CARS1: variants seen among roughly 807,000 people sequenced by gnomAD.
The protein encoded by CARS1 is cysteine--tRNA ligase, cytoplasmic.
CARS1 carries 48 observed loss-of-function variants against 106.2 expected under a neutral mutation model. The ratio of observed to expected loss-of-function variants is 0.45; its 90% CI spans 0.36 to 0.57. The LOEUF is 0.57. Among genes scored for constraint, CARS1 ranks in the 20% least tolerant of loss-of-function variants. The pLI, the probability that CARS1 is intolerant of heterozygous loss-of-function variation, is 0.00. For synonymous variants in CARS1, 409 were observed against 403.4 expected (o/e 1.01, Z -0.17); for missense variants, 968 against 1,057.2 (o/e 0.92, Z 1.17).
chr11:3,013,215 C>T (rs112278329), intron 17 of CARS1, among the ~76,000 whole-genome samples: 14,842 of 137,730 alleles, frequency 0.11, 823 homozygotes, highest in Middle Eastern at 0.16. Flanking sequence ...CATGCAATGG[C>T]GATCTCGGCT....
In CARS1 at chr11:3,020,239, C is replaced by T; in HGVS notation, c.1247G>A (p.Trp416Ter). ...WKASKPGEPSWPCPWGKGRPG... is the reference protein window; with the variant it reads ...WKASKPGEPS The stretch of plus-strand genomic sequence containing the variant: ...GCTCACCTTTCCCCAAGGGCACGGC[C>T]AGGACGGTTCTCCGGGCTTAGAGGC... Residue 416 changes from tryptophan to a stop codon, truncating the protein, a stop_gained, in exon 11 of 23, where the codon TGG becomes TAG. Coordinates refer to ENST00000380525, the MANE Select transcript of CARS1 (RefSeq NM_001014437.3). LOFTEE classifies it high-confidence loss of function. This position sits in a 1 kb window ranked among gnomAD's most constrained non-coding sequence, Gnocchi z 4.6. The T allele has an allele frequency of 1.9e-6, 3 of 1,610,710 alleles. No individual in the cohort carries two copies. The highest frequency in any genetic ancestry group is 2.5e-6 in the Non-Finnish European group (3 of 1,176,838).
intron 10 of CARS1, among the ~76,000 whole-genome samples, chr11:3,025,629 T>G (rs897209639): frequency 6.6e-6 from 1 of 151,926 alleles, no homozygotes; most frequent in Non-Finnish European, 1.5e-5. Context: ...ACAGGCGGGG[T>G]GGGGGTGCAG....
chr11:3,054,748 T>C (rs1431024550), intron 1 of CARS1: 1 of 633,256 alleles, frequency 1.6e-6, no homozygotes, highest in East Asian at 2.7e-5. Context: ...CCCCCAAGGG[T>C]GGCAGGAGAT....
Position 3,004,646 on chromosome 11 carries a change from G to A in CARS1, c.2217+720C>T, listed in dbSNP as rs1003905031. 9.8e-5 allele frequency among the ~76,000 whole-genome samples: 15 copies of A among 152,326 alleles called. No homozygotes were observed. Among genetic ancestry groups the A allele is most frequent in the South Asian group, 4.1e-4 (2 of 4,832 alleles). On this transcript the variant is annotated intron_variant, in intron 20 of 22. Transcript: ENST00000380525. The surrounding 1 kb of genome is among the most constrained non-coding windows in gnomAD (Gnocchi z 5.2). ...CTGTGCCCAGAGATTCTGACATTGC[G>A]TTTTTGTTCCTGTTCTTCTGTCCTA...
Position 3,003,474 on chromosome 11 carries a change from G to C in CARS1, c.2218-874C>G, listed in dbSNP as rs1000086336. 6.6e-6 allele frequency among the ~76,000 whole-genome samples: 1 copy of C among 152,166 alleles called. No individual in the cohort carries two copies. Among genetic ancestry groups the C allele is most frequent in the African/African-American group, 2.4e-5 (1 of 41,430 alleles). On this transcript the variant is annotated intron_variant, in intron 20 of 22. Transcript: ENST00000380525. The surrounding 1 kb of genome is among the most constrained non-coding windows in gnomAD (Gnocchi z 4.8). ...AGTGGAGCTATCAGGTAGGCAGCTGGGCAAACTGTTTTTGGGCCACCGGCT... is the reference window on the plus strand; with the variant it reads ...AGTGGAGCTATCAGGTAGGCAGCTGCGCAAACTGTTTTTGGGCCACCGGCT...
chr11:3,046,336 C>A lies in CARS1; in HGVS notation c.274+1417G>T, dbSNP rs1026874735. ...GCTTCACCCTCCCTAATCCTGCCCC[C>A]CTCTGGCTGTGTCTTGGAATGGCAC... On this transcript the variant is annotated intron_variant, in intron 2 of 22. Transcript: ENST00000380525. This position sits in a 1 kb window ranked among gnomAD's most constrained non-coding sequence, Gnocchi z 5.8. Among the ~76,000 whole-genome samples the A allele has an allele frequency of 1.3e-5, 2 of 152,318 alleles. No homozygotes were observed. The highest frequency in any genetic ancestry group is 2.9e-5 in the Non-Finnish European group (2 of 68,038).
At chr11:3,001,527 C>A (rs1590298730) in intron 22 of CARS1, among the ~76,000 whole-genome samples, 1 of 152,218 alleles carries the variant, frequency 6.6e-6, no homozygotes, top group South Asian at 2.1e-4. Context: ...TGGCTGAGTT[C>A]TGACACAGCT....
intron 10 of CARS1, among the ~76,000 whole-genome samples, chr11:3,025,493 G>T (rs892550051): frequency 6.6e-6 from 1 of 152,230 alleles, no homozygotes; most frequent in African/African-American, 2.4e-5. Context: ...CTCCAAAAGT[G>T]CTGGGATTAT....
At chr11:3,032,947 C>T (rs902217141) in intron 7 of CARS1, among the ~76,000 whole-genome samples, 1 of 151,632 alleles carries the variant, frequency 6.6e-6, no homozygotes, top group Non-Finnish European at 1.5e-5. Flanking sequence ...AAGAAACGTA[C>T]CCCCTGGTGG....
At position 3,034,457 on chromosome 11, in the gene CARS1, G is replaced by A. The variant is rs996627483; in HGVS notation, c.801+3593C>T. Among the ~76,000 whole-genome samples the A allele has an allele frequency of 2.8e-4, 42 of 152,196 alleles. No homozygotes were observed. Among genetic ancestry groups the A allele is most frequent in the Admixed American group, 1.9e-3 (29 of 15,276 alleles). ...GCTGGTCTCAAACCCCTGACCTCAG[G>A]TGATCCGCCCGCCTCAGCCTCCCAA... On this transcript the variant is annotated intron_variant, in intron 7 of 22. Transcript: ENST00000380525. The surrounding 1 kb of genome is among the most constrained non-coding windows in gnomAD (Gnocchi z 6.3).
rs1006290923 is a variant in CARS1 at position 3,045,125 on chromosome 11, G to C, written c.274+2628C>G. Among the ~76,000 whole-genome samples the C allele has an allele frequency of 1.3e-5, 2 of 152,150 alleles. No homozygotes were observed. The highest frequency in any genetic ancestry group is 2.9e-5 in the Non-Finnish European group (2 of 68,032). ...AGGGCTGAGCCTCCACTGCGGGTGA[G>C]AAGTGCTCAACAAGTTCAACGTCCT... On this transcript the variant is annotated intron_variant, in intron 2 of 22. Coordinates refer to ENST00000380525, the MANE Select transcript of CARS1 (RefSeq NM_001014437.3). The surrounding 1 kb of genome is among the most constrained non-coding windows in gnomAD (Gnocchi z 5.6).
In CARS1 at chr11:3,011,612, T is replaced by TCAAA. The variant is rs1033010782; in HGVS notation, c.2068+579_2068+582dup. 8.2e-4 allele frequency among the ~76,000 whole-genome samples: 125 copies of TCAAA among 151,988 alleles called. 1 individual carries two copies. Among genetic ancestry groups the TCAAA allele is most frequent in the Admixed American group, 1.1e-3 (17 of 15,276 alleles). On this transcript the variant is annotated intron_variant, in intron 18 of 22. Coordinates refer to ENST00000380525, the MANE Select transcript of CARS1 (RefSeq NM_001014437.3). The stretch of plus-strand genomic sequence containing the variant: ...CTGGGAGACAGAGTGAGACTCCATC[T>TCAAA]CAAACAAACAAACAAACAAAAAGAT...
Position 3,029,190 on chromosome 11 carries a change from T to C in CARS1, c.943-106A>G. On this transcript the variant is annotated intron_variant, in intron 8 of 22. Coordinates refer to ENST00000380525, the MANE Select transcript of CARS1 (RefSeq NM_001014437.3). The surrounding 1 kb of genome is among the most constrained non-coding windows in gnomAD (Gnocchi z 5.9). ...CGAAAAGCCCATTATGCCCCTCAAC[T>C]CAAGTTCAATGTTGACTTGGCCGCT... is the stretch of plus-strand genomic sequence containing the variant. The C allele has an allele frequency of 2.8e-6, 4 of 1,445,448 alleles. No individual in the cohort carries two copies. In the South Asian group the frequency reaches 4.6e-5, roughly 17 times the overall value. 89.5% of individuals were successfully genotyped at this position (1,445,448 alleles called of 1,614,324 possible). A position where few individuals can be genotyped will look rare whatever the true frequency, so the allele number is the denominator to read the frequency against.
Position 3,044,299 on chromosome 11 carries a change from T to G in CARS1, c.275-2043A>C, listed in dbSNP as rs1443753004. ...AGCATTCCTGCTCCCCTAAGGCTGC[T>G]ATCTCCACACAGCTGGCGATGGGCT... is the stretch of plus-strand genomic sequence containing the variant. On this transcript the variant is annotated intron_variant, in intron 2 of 22. Transcript: ENST00000380525. This position sits in a 1 kb window ranked among gnomAD's most constrained non-coding sequence, Gnocchi z 4.4. 6.6e-6 allele frequency among the ~76,000 whole-genome samples: 1 copy of G among 152,192 alleles called. No homozygotes were observed. Among genetic ancestry groups the G allele is most frequent in the Non-Finnish European group, 1.5e-5 (1 of 68,022 alleles).
Position 3,017,055 on chromosome 11 carries a change from C to G in CARS1, c.1917+51G>C, listed in dbSNP as rs778690744. On this transcript the variant is annotated intron_variant, in intron 16 of 22. Transcript: ENST00000380525. This position sits in a 1 kb window ranked among gnomAD's most constrained non-coding sequence, Gnocchi z 4.9. Reference sequence around the variant, plus strand: ...CTGTTCTCCCAGTCCTGGGGCCTGGCTCCTGTGTCCACACAGGCTGAGGGA... The same window carrying G: ...CTGTTCTCCCAGTCCTGGGGCCTGGGTCCTGTGTCCACACAGGCTGAGGGA... 1 of 1,518,254 alleles carries G rather than the reference C, an allele frequency of 6.6e-7. No individual in the cohort carries two copies. Among genetic ancestry groups the G allele is most frequent in the Admixed American group, 1.8e-5 (1 of 54,994 alleles). 94.0% of individuals were successfully genotyped at this position (1,518,254 alleles called of 1,614,324 possible). A position where few individuals can be genotyped will look rare whatever the true frequency, so the allele number is the denominator to read the frequency against.
At chr11:3,056,332 T>A (rs569066864) in intron 1 of CARS1, among the ~76,000 whole-genome samples, 5 of 152,232 alleles carry the variant, frequency 3.3e-5, no homozygotes, top group African/African-American at 1.2e-4. Flanking sequence ...ATACTGAGAA[T>A]GTTTCCTTTG....
chr11:3,028,801 A>G lies in CARS1; in HGVS notation c.1031+195T>C. ...GGGTTAGGTTCTCACCATGGCCCCC[A>G]GGACAGTGCAGACCCATGCTCCTCA... On this transcript the variant is annotated intron_variant, in intron 9 of 22. Transcript: ENST00000380525. This position sits in a 1 kb window ranked among gnomAD's most constrained non-coding sequence, Gnocchi z 4.4. 1 of 583,844 alleles carries G rather than the reference A, an allele frequency of 1.7e-6. No individual in the cohort carries two copies. The highest frequency in any genetic ancestry group is 2.8e-5 in the East Asian group (1 of 35,654). 36.2% of individuals were successfully genotyped at this position (583,844 alleles called of 1,614,324 possible).
At chr11:3,047,135 G>T (rs893310421) in intron 2 of CARS1, among the ~76,000 whole-genome samples, 4 of 152,080 alleles carry the variant, frequency 2.6e-5, no homozygotes, top group African/African-American at 9.7e-5. Flanking sequence ...AAATTAGCCA[G>T]GCATGGTGGT....
rs1851431931 is a variant in CARS1 at position 3,020,078 on chromosome 11, C to T, written c.1266+142G>A. The T allele has an allele frequency of 3.1e-6, 2 of 642,394 alleles. No homozygotes were observed. Among genetic ancestry groups the T allele is most frequent in the Non-Finnish European group, 5.6e-6 (2 of 357,968 alleles). The allele number at this position is 642,394 out of a possible 1,614,324, so 39.8% of individuals were successfully genotyped here. A position where few individuals can be genotyped will look rare whatever the true frequency, so the allele number is the denominator to read the frequency against. On this transcript the variant is annotated intron_variant, in intron 11 of 22. Transcript: ENST00000380525. The surrounding 1 kb of genome is among the most constrained non-coding windows in gnomAD (Gnocchi z 4.6). ...TGATGTCCAGGTCCCCGGGGCCAGGCAGCCTGTGCTGCACCAGCACCAGGC... is the reference window on the plus strand; with the variant it reads ...TGATGTCCAGGTCCCCGGGGCCAGGTAGCCTGTGCTGCACCAGCACCAGGC...
Sources: gnomAD v4.1 joint callset for allele counts (sites outside exome capture counted in the v4.1 genomes callset) on GRCh38, gnomAD v4.1.1 for gene constraint, Gnocchi (gnomAD v3.1) non-coding constraint, MANE v1.5 for transcripts, NCBI Gene and HGNC (gene_info 2026-07-23, HGNC 2026-07-21) for gene names.